Variants in HIBADH observed in about 807,000 individuals in gnomAD.
HIBADH encodes 3-hydroxyisobutyrate dehydrogenase, also known as 3-hydroxyisobutyrate dehydrogenase, mitochondrial.
In HIBADH, 25 loss-of-function variants were observed where a neutral mutation model predicts 36.1. That is an observed-to-expected ratio of 0.69 (90% CI 0.50 to 0.97). HIBADH has a LOEUF of 0.97. HIBADH is among the 50% of genes least tolerant of loss of function. The pLI is 0.00. For missense variants in HIBADH, 421 were observed against 418.0 expected, an observed-to-expected ratio of 1.01 and a Z score of -0.06; for synonymous variants, 160 against 149.5, an observed-to-expected ratio of 1.07 and a Z score of -0.51.
chr7:27,609,086 G>A (rs1188023733), intron 4 of HIBADH, among the ~76,000 whole-genome samples: 1 of 152,178 alleles, frequency 6.6e-6, no homozygotes, highest in Non-Finnish European at 1.5e-5. Context: ...AAAGTAGCTT[G>A]TTGTTGGCAA....
At chr7:27,529,221 G>A (rs116174365) in intron 7 of HIBADH, among the ~76,000 whole-genome samples, 4,461 of 152,236 alleles carry the variant, frequency 0.029, 199 homozygotes, top group African/African-American at 0.1. Flanking sequence ...TCATGTCTAT[G>A]AACACAACAT....
intron 2 of HIBADH, among the ~76,000 whole-genome samples, chr7:27,635,014 C>G (rs572118854): frequency 7.9e-4 from 121 of 152,274 alleles, no homozygotes; most frequent in African/African-American, 2.7e-3. Flanking sequence ...GCTGGAATGT[C>G]ACCACTGTAC....
At chr7:27,574,239 A>C (rs368594062) in intron 4 of HIBADH, among the ~76,000 whole-genome samples, 18 of 152,214 alleles carry the variant, frequency 1.2e-4, no homozygotes, top group African/African-American at 4.3e-4. Flanking sequence ...AAGCAGGTGA[A>C]TCCCCAGAGA....
chr7:27,606,904 TG>T (rs149119969), intron 4 of HIBADH, among the ~76,000 whole-genome samples: 1,962 of 152,326 alleles, frequency 0.013, 22 homozygotes, highest in Non-Finnish European at 0.021. Flanking sequence ...CCAACTAAAA[TG>T]GAAGAGGACA....
intron 2 of HIBADH, among the ~76,000 whole-genome samples, chr7:27,635,988 G>A (rs1312847494): frequency 1.3e-5 from 2 of 152,114 alleles, no homozygotes; most frequent in African/African-American, 4.8e-5. Context: ...ATGCATCAAT[G>A]GTGGGTGTGT....
At chr7:27,549,150 G>C (rs1185092418) in intron 4 of HIBADH, among the ~76,000 whole-genome samples, 1 of 142,928 alleles carries the variant, frequency 7.0e-6, no homozygotes, top group Non-Finnish European at 1.6e-5. Flanking sequence ...AAAAAAAATA[G>C]AGAGCTTTTA....
intron 4 of HIBADH, among the ~76,000 whole-genome samples, chr7:27,563,702 T>C (rs1784499715): frequency 6.6e-6 from 1 of 152,160 alleles, no homozygotes; most frequent in South Asian, 2.1e-4. Context: ...TGTATTTTCT[T>C]TGGTGACATG....
At chr7:27,623,126 T>C (rs73287115) in intron 4 of HIBADH, among the ~76,000 whole-genome samples, 1 of 152,076 alleles carries the variant, frequency 6.6e-6, no homozygotes, top group Non-Finnish European at 1.5e-5. Flanking sequence ...ACAAATGTGA[T>C]ACATCACAAC....
At chr7:27,657,252 C>A (rs1438321010) in intron 1 of HIBADH, among the ~76,000 whole-genome samples, 1 of 151,952 alleles carries the variant, frequency 6.6e-6, no homozygotes, top group Non-Finnish European at 1.5e-5. Flanking sequence ...CTGAAAAAAA[C>A]AGTATTAGGC....
intron 4 of HIBADH, among the ~76,000 whole-genome samples, chr7:27,580,116 C>T (rs545576726): frequency 2.4e-4 from 37 of 152,108 alleles, no homozygotes; most frequent in Non-Finnish European, 5.1e-4. Context: ...ACACAGGTGT[C>T]AAGGAAACAA....
intron 4 of HIBADH, among the ~76,000 whole-genome samples, chr7:27,627,143 C>A (rs1436191868): frequency 2.0e-5 from 3 of 152,170 alleles, no homozygotes; most frequent in African/African-American, 7.2e-5. Context: ...ATGCTGACCA[C>A]CTGCTCCCCC....
At chr7:27,628,617 A>G (rs1158381653) in intron 4 of HIBADH, among the ~76,000 whole-genome samples, 5 of 152,088 alleles carry the variant, frequency 3.3e-5, no homozygotes, top group African/African-American at 9.6e-5. Context: ...TCTAATTGAG[A>G]CAATCATATG....
intron 4 of HIBADH, among the ~76,000 whole-genome samples, chr7:27,550,163 C>A (rs557371428): frequency 6.6e-6 from 1 of 152,266 alleles, no homozygotes; most frequent in South Asian, 2.1e-4. Context: ...CCTGCCTCGG[C>A]CTCCCAAAGT....
intron 3 of HIBADH, 48 bp from the exon 4 acceptor site, chr7:27,629,540 A>C: frequency 7.4e-7 from 1 of 1,349,624 alleles, no homozygotes; most frequent in Non-Finnish European, 1.0e-6. Context: ...CTGAGTAAAA[A>C]TTTCATGCAA....
chr7:27,575,959 C>T (rs2128188686), intron 4 of HIBADH, among the ~76,000 whole-genome samples: 1 of 152,240 alleles, frequency 6.6e-6, no homozygotes, highest in East Asian at 1.9e-4. Context: ...TCAAGTTGCC[C>T]ACCCTAGGAT....
intron 1 of HIBADH, among the ~76,000 whole-genome samples, chr7:27,652,862 C>CTCA (rs1786222626): frequency 1.3e-5 from 2 of 152,230 alleles, no homozygotes. Flanking sequence ...GGCGCAGCGG[C>CTCA]TCACGCCTGT....
intron 2 of HIBADH, among the ~76,000 whole-genome samples, chr7:27,638,334 GC>G (rs1785891586): frequency 1.7e-5 from 1 of 58,238 alleles, no homozygotes; most frequent in Non-Finnish European, 3.6e-5. Flanking sequence ...AAAAAAACAA[GC>G]AATAAGGAAA....
At chr7:27,559,881 G>T (rs1208667887) in intron 4 of HIBADH, among the ~76,000 whole-genome samples, 1 of 152,184 alleles carries the variant, frequency 6.6e-6, no homozygotes, top group African/African-American at 2.4e-5. Flanking sequence ...AATGCTGAGA[G>T]AACTATTATA....
intron 4 of HIBADH, among the ~76,000 whole-genome samples, chr7:27,580,044 G>A (rs550673313): frequency 1.3e-5 from 2 of 152,290 alleles, no homozygotes; most frequent in South Asian, 4.1e-4. Flanking sequence ...TTAGGATTAA[G>A]GGAAAAGAGA....
Sources: allele counts gnomAD v4.1 joint callset (sites outside exome capture counted in the v4.1 genomes callset), GRCh38; gene constraint gnomAD v4.1.1; transcripts MANE v1.5; gene names NCBI Gene and HGNC (gene_info 2026-07-23, HGNC 2026-07-21).